The following ZNF415 variants were observed in gnomAD, a reference collection of about 807,000 sequenced individuals.
ZNF415 encodes the protein zinc finger protein 415.
A neutral mutation model predicts 7.3 loss-of-function variants in ZNF415; 5 were observed. The ratio of observed to expected loss-of-function variants is 0.69; its 90% CI spans 0.36 to 1.44. ZNF415 has a LOEUF of 1.44. ZNF415 is among the 40% of genes most tolerant of loss of function. The pLI, the probability that ZNF415 is intolerant of heterozygous loss-of-function variation, is 0.04. For synonymous variants in ZNF415, 207 were observed against 226.3 expected, an observed-to-expected ratio of 0.91 and a Z score of 0.77; for missense variants, 628 against 664.8, an observed-to-expected ratio of 0.94 and a Z score of 0.61.
intron 1 of ZNF415, among the ~76,000 whole-genome samples, chr19:53,127,669 G>A (rs1341457676): frequency 6.6e-6 from 1 of 152,116 alleles, no homozygotes; most frequent in African/African-American, 2.4e-5. Flanking sequence ...ACGAAGTCAG[G>A]AGATCGAGAC....
Position 53,109,515 on chromosome 19 carries a change from G to A in ZNF415, c.530C>T (p.Pro177Leu). 6.2e-7 allele frequency: 1 copy of A among 1,613,968 alleles called. No homozygotes were observed. The highest frequency in any genetic ancestry group is 1.1e-5 in the South Asian group (1 of 91,058). ...KSVNHGSSVSPPQIISSTIKT... is the reference protein window; with the variant it reads ...KSVNHGSSVSLPQIISSTIKT... Reference sequence around the variant, plus strand: ...GATGGTAGAAGAAATTATTTGGGGTGGTGAAACTGAGGAACCATGGTTGAC... The same window carrying A: ...GATGGTAGAAGAAATTATTTGGGGTAGTGAAACTGAGGAACCATGGTTGAC... The change falls in exon 4 of 4, where the codon CCA becomes CTA. Residue 177 changes from proline (P) to leucine (L), a missense_variant. By Grantham distance (98) the Pro-to-Leu change is moderately conservative. Transcript: ENST00000243643.
At chr19:53,127,674 C>T (rs1258032215) in intron 1 of ZNF415, among the ~76,000 whole-genome samples, 4 of 152,014 alleles carry the variant, frequency 2.6e-5, no homozygotes, top group Non-Finnish European at 2.9e-5. Flanking sequence ...GTCAGGAGAT[C>T]GAGACCATCC....
chr19:53,108,278 G>GA lies in ZNF415; in HGVS notation c.*98dup. ...TGCTGTGTAGGAGTGAATTGTGACTGAAAACCTTGCCACATTTATTATACT... is the reference window on the plus strand; with the variant it reads ...TGCTGTGTAGGAGTGAATTGTGACTGAAAAACCTTGCCACATTTATTATACT... On this transcript the variant is annotated 3_prime_UTR_variant, in exon 4 of 4. Coordinates refer to ENST00000243643, the MANE Select transcript of ZNF415 (RefSeq NM_018355.4). 1 of 1,212,690 alleles carries GA rather than the reference G, an allele frequency of 8.2e-7. No homozygotes were observed. The highest frequency in any genetic ancestry group is 2.7e-5 in the Admixed American group (1 of 37,516). The allele number at this position is 1,212,690 out of a possible 1,614,324, so 75.1% of individuals were successfully genotyped here.
intron 3 of ZNF415, among the ~76,000 whole-genome samples, chr19:53,114,207 C>T (rs2086662214): frequency 6.6e-6 from 1 of 152,034 alleles, no homozygotes; most frequent in South Asian, 2.1e-4. Context: ...AACGGAGTCT[C>T]ACTCTGTTAC....
At chr19:53,116,467 A>G (rs16984484) in intron 2 of ZNF415, 34 bp from the exon 3 acceptor site, 170,009 of 1,612,616 alleles carry the variant, frequency 0.11, 11,240 homozygotes, top group African/African-American at 0.32. Flanking sequence ...TTTCACCAAG[A>G]GGTTATGAAG....
At chr19:53,119,481 CAGT>C (rs2087640528) in intron 2 of ZNF415, among the ~76,000 whole-genome samples, 1 of 117,722 alleles carries the variant, frequency 8.5e-6, no homozygotes, top group African/African-American at 3.2e-5. Flanking sequence ...TTTAAATAGA[CAGT>C]CTAACAATGC....
At chr19:53,111,545 G>A (rs1568547562) in intron 3 of ZNF415, among the ~76,000 whole-genome samples, 2 of 151,934 alleles carry the variant, frequency 1.3e-5, no homozygotes, top group South Asian at 2.1e-4. Context: ...GTTTCAGTAT[G>A]TTGGCCAGGC....
chr19:53,109,830 G>A lies in ZNF415; in HGVS notation c.215C>T (p.Thr72Ile). The part of the protein sequence containing the change: ...GNPGEVFHTV[T>I]LEQHEKHDIE... ...GTCATGTTTTTCATGTTGTTCCAAT[G>A]TCACTGTGTGGAATACTTCTCCTGG... Residue 72 changes from threonine (T) to isoleucine (I), a missense_variant, in exon 4 of 4, where the codon ACA (threonine) becomes ATA (isoleucine). Coordinates refer to ENST00000243643, the MANE Select transcript of ZNF415 (RefSeq NM_018355.4). 1 of 1,613,662 alleles carries A rather than the reference G, an allele frequency of 6.2e-7. No individual in the cohort carries two copies. The highest frequency in any genetic ancestry group is 8.5e-7 in the Non-Finnish European group (1 of 1,179,930).
At chr19:53,129,617 G>A (rs2089776962) in intron 1 of ZNF415, 2 of 399,610 alleles carry the variant, frequency 5.0e-6, no homozygotes, top group Non-Finnish European at 8.8e-6. Context: ...CTCTGTTACA[G>A]GTGGGCTCAC....
At chr19:53,110,261 T>C (rs183643886) in intron 3 of ZNF415, among the ~76,000 whole-genome samples, 1 of 152,284 alleles carries the variant, frequency 6.6e-6, no homozygotes, top group East Asian at 1.9e-4. Flanking sequence ...GAAATAAATA[T>C]TACATTTTAC....
chr19:53,116,278 G>A (rs1485788912), intron 3 of ZNF415, 35 bp downstream of exon 3: 1 of 1,584,100 alleles, frequency 6.3e-7, no homozygotes, highest in South Asian at 1.2e-5. Flanking sequence ...GATACCAAGG[G>A]CAGATTTTGA....
chr19:53,122,683 C>T lies in ZNF415; in HGVS notation c.-7G>A, dbSNP rs932759360. 1.9e-6 allele frequency: 3 copies of T among 1,614,052 alleles called. No homozygotes were observed. Among genetic ancestry groups the T allele is most frequent in the Admixed American group, 1.7e-5 (1 of 59,994 alleles). On this transcript the variant is annotated 5_prime_UTR_variant, in exon 2 of 4. Coordinates refer to ENST00000243643, the MANE Select transcript of ZNF415 (RefSeq NM_018355.4). ...TTACCTGAGTAAAAGCCATTCCTGA[C>T]TCCTTTGCTCTCCTCTTCTGGGTTT... is the stretch of plus-strand genomic sequence containing the variant.
Position 53,127,205 on chromosome 19 carries a change from C to G in ZNF415, c.-67-4462G>C, listed in dbSNP as rs968535482. Among the ~76,000 whole-genome samples, 17 of 151,152 alleles carry G rather than the reference C, an allele frequency of 1.1e-4. No homozygotes were observed. In the South Asian group the frequency reaches 1.3e-3, roughly 11 times the overall value. ...CACAACAAACCCTCCCTAATGAAAGCCATCTGCGCCTGATTCTTAGGATCC... is the reference window on the plus strand; with the variant it reads ...CACAACAAACCCTCCCTAATGAAAGGCATCTGCGCCTGATTCTTAGGATCC... On this transcript the variant is annotated intron_variant, in intron 1 of 3. Coordinates refer to ENST00000243643, the MANE Select transcript of ZNF415 (RefSeq NM_018355.4).
chr19:53,113,933 C>T (rs564455027), intron 3 of ZNF415, among the ~76,000 whole-genome samples: 10 of 152,324 alleles, frequency 6.6e-5, no homozygotes, highest in African/African-American at 2.4e-4. Context: ...CAGTCAGGCT[C>T]GCCTGATATT....
At position 53,108,966 on chromosome 19, in the gene ZNF415, T is replaced by G. The variant is rs761853375; in HGVS notation, c.1079A>C (p.Glu360Ala). 1.2e-6 allele frequency: 2 copies of G among 1,614,052 alleles called. No individual in the cohort carries two copies. The highest frequency in any genetic ancestry group is 3.3e-5 in the Admixed American group (2 of 59,994). Reference sequence around the variant, plus strand: ...AGTCTGACTGAACACCTTGCCACATTCATTGCATTTGTAAGGTTTCTTGCC... The same window carrying G: ...AGTCTGACTGAACACCTTGCCACATGCATTGCATTTGTAAGGTTTCTTGCC... ...HSGKKPYKCN[E>A]CGKVFSQTSS... The change falls in exon 4 of 4, where the codon GAA becomes GCA. Residue 360 changes from glutamate (E) to alanine (A), a missense_variant. Physicochemically the swap from Glu to Ala is moderately radical, Grantham distance 107. Transcript: ENST00000243643.
intron 3 of ZNF415, chr19:53,115,740 GT>G: frequency 1.9e-6 from 3 of 1,550,336 alleles, no homozygotes; most frequent in Non-Finnish European, 2.6e-6. Flanking sequence ...CACCCTTTTG[GT>G]TTTCTTGCTA....
At chr19:53,129,990 G>C (rs989625153) in intron 1 of ZNF415, among the ~76,000 whole-genome samples, 2 of 151,526 alleles carry the variant, frequency 1.3e-5, no homozygotes, top group Admixed American at 1.3e-4. Context: ...GCTTGAACCC[G>C]GGAGGCGGAG....
Position 53,109,291 on chromosome 19 carries a change from C to T in ZNF415, c.754G>A (p.Val252Ile), listed in dbSNP as rs201461811. The T allele has an allele frequency of 7.9e-5, 127 of 1,614,046 alleles. No individual in the cohort carries two copies. The highest frequency in any genetic ancestry group is 5.0e-5 in the Admixed American group (3 of 60,002). The change falls in exon 4 of 4, where the codon GTC becomes ATC. Residue 252 changes from valine to isoleucine, a missense_variant. Coordinates refer to ENST00000243643, the MANE Select transcript of ZNF415 (RefSeq NM_018355.4). The stretch of plus-strand genomic sequence containing the variant: ...GCAAGGTTTGATTTTTGACTAAAGA[C>T]CTTGCCACACAGATCACATTTATAT... ...KGYKCDLCGK[V>I]FSQKSNLARH...
At chr19:53,130,616 A>G (rs1367919096) in intron 1 of ZNF415, among the ~76,000 whole-genome samples, 1 of 152,222 alleles carries the variant, frequency 6.6e-6, no homozygotes, top group African/African-American at 2.4e-5. Context: ...ATTAGTAAGA[A>G]AAAAAGCAAA....
Sources: allele counts gnomAD v4.1 joint callset (sites outside exome capture counted in the v4.1 genomes callset), GRCh38; gene constraint gnomAD v4.1.1; transcripts MANE v1.5; gene names NCBI Gene and HGNC (gene_info 2026-07-23, HGNC 2026-07-21).